The following RXYLT1 variants were observed in gnomAD, a reference collection of about 807,000 sequenced individuals.
The protein encoded by RXYLT1 is ribitol xylosyltransferase 1.
In RXYLT1, 41 loss-of-function variants were observed where a neutral mutation model predicts 43.5. The ratio of observed to expected loss-of-function variants is 0.94; its 90% confidence interval spans 0.73 to 1.22. The LOEUF (loss-of-function observed/expected upper bound fraction) is 1.22. Ranked by LOEUF, RXYLT1 falls within the 50% of genes most tolerant of loss-of-function variation. The probability of loss-of-function intolerance (pLI) is 0.00; values close to 1 mark genes in which losing one functional copy is unlikely to be tolerated. For missense variants in RXYLT1, 514 were observed against 532.0 expected (o/e 0.97, Z 0.33); for synonymous variants, 166 against 194.4 (o/e 0.85, Z 1.21).
rs1397989587 is a variant in RXYLT1, at chr12:63,808,759, A to C, written c.999A>C (p.Gly333=). 12 of 1,613,000 alleles carry C rather than the reference A, an allele frequency of 7.4e-6. No individual in the cohort carries two copies. Among genetic ancestry groups the C allele is most frequent in the Non-Finnish European group, 1.0e-5 (12 of 1,179,872 alleles). ...GTGATCTCACATTGTGCCCGGTCGG[A>C]GTAAACACAGAATGCTATCGAATCT... is the stretch of plus-strand genomic sequence containing the variant. ...LQSDLTLCPV[G]VNTECYRIYE... is the part of the protein sequence containing the mutation. The change falls in exon 6 of 6, where the codon GGA becomes GGC. Residue 333 remains glycine (G), a synonymous_variant. Coordinates refer to ENST00000261234, the MANE Select transcript of RXYLT1 (RefSeq NM_014254.3).
At chr12:63,793,826 T>C (rs1897970400) in intron 3 of RXYLT1, among the ~76,000 whole-genome samples, 1 of 152,244 alleles carries the variant, frequency 6.6e-6, no homozygotes, top group Non-Finnish European at 1.5e-5. Context: ...TGGATCATAG[T>C]CTGAATGAAC....
intron 2 of RXYLT1, among the ~76,000 whole-genome samples, chr12:63,782,975 AC>A (rs1897717691): frequency 6.6e-6 from 1 of 152,136 alleles, no homozygotes; most frequent in Non-Finnish European, 1.5e-5. Context: ...TCACCAAGAA[AC>A]CAGTCCACAC....
intron 3 of RXYLT1, among the ~76,000 whole-genome samples, chr12:63,798,439 TC>T (rs1898081763): frequency 1.3e-5 from 2 of 152,248 alleles, no homozygotes; most frequent in Non-Finnish European, 2.9e-5. Context: ...TAACAAACTT[TC>T]CAACACACAT....
intron 3 of RXYLT1, chr12:63,795,703 ATTAAATAT>A (rs1898016752): frequency 6.6e-6 from 1 of 152,140 alleles, no homozygotes; most frequent in African/African-American, 2.4e-5. Context: ...TGAACCCAAT[ATTAAATAT>A]AATACCAGAC....
Position 63,809,473 on chromosome 12 carries a change from G to T in RXYLT1, c.*381G>T. ...ATGACAATAAATGACTATGTTACTG[G>T]TTTATGTATTTACTATACTATACTT... On this transcript the variant is annotated 3_prime_UTR_variant, in exon 6 of 6. Transcript: ENST00000261234. 1 of 171,140 alleles carries T rather than the reference G, an allele frequency of 5.8e-6. No homozygotes were observed. Among genetic ancestry groups the T allele is most frequent in the Non-Finnish European group, 1.2e-5 (1 of 81,196 alleles). The allele number at this position is 171,140 out of a possible 1,614,324, so 10.6% of individuals were successfully genotyped here.
chr12:63,780,177 G>A, intron 1 of RXYLT1, 48 bp downstream of exon 1: 2 of 1,406,802 alleles, frequency 1.4e-6, no homozygotes, highest in African/African-American at 3.1e-5. Flanking sequence ...TCCTGGCTGG[G>A]GCTGCTGGGC....
At position 63,780,115 on chromosome 12, in the gene RXYLT1, A is replaced by G; in HGVS notation, c.155A>G (p.Glu52Gly). ...GLRKGAAPARERRGREQSTLE... is the reference protein window; with the variant it reads ...GLRKGAAPARGRRGREQSTLE... ...AGGAAGGGGGCGGCCCCCGCGCGGG[A>G]GAGACGCGGCCGAGGTAGGACTGGG... Residue 52 changes from glutamate (E) to glycine (G), a missense_variant, in exon 1 of 6, where the codon GAG (glutamate) becomes GGG (glycine). By Grantham distance (98) the Glu-to-Gly change is moderately conservative. Transcript: ENST00000261234. 1 of 1,527,572 alleles carries G rather than the reference A, an allele frequency of 6.5e-7. No homozygotes were observed. Among genetic ancestry groups the G allele is most frequent in the Non-Finnish European group, 8.7e-7 (1 of 1,143,648 alleles). The allele number at this position is 1,527,572 out of a possible 1,614,324, so 94.6% of individuals were successfully genotyped here. A position where few individuals can be genotyped will look rare whatever the true frequency, so the allele number is the denominator to read the frequency against.
intron 3 of RXYLT1, among the ~76,000 whole-genome samples, chr12:63,789,745 A>C (rs1897882832): frequency 6.6e-6 from 1 of 152,194 alleles, no homozygotes; most frequent in African/African-American, 2.4e-5. Flanking sequence ...AGCTTATTAA[A>C]GTGTTAGGTT....
chr12:63,780,191 T>G lies in RXYLT1; in HGVS notation c.169+62T>G, dbSNP rs971089364. 14 of 1,397,778 alleles carry G rather than the reference T, an allele frequency of 1.0e-5. 1 individual carries two copies. In the South Asian group the frequency reaches 1.9e-4, roughly 19 times the overall value. The allele number at this position is 1,397,778 out of a possible 1,614,324, so 86.6% of individuals were successfully genotyped here. A position where few individuals can be genotyped will look rare whatever the true frequency, so the allele number is the denominator to read the frequency against. On this transcript the variant is annotated intron_variant, in intron 1 of 5. Coordinates refer to ENST00000261234, the MANE Select transcript of RXYLT1 (RefSeq NM_014254.3). Reference sequence around the variant, plus strand: ...CTCCTGGCTGGGGCTGCTGGGCGGCTGGGGCCGGGTCCCCGCACCCGGCTC... The same window carrying G: ...CTCCTGGCTGGGGCTGCTGGGCGGCGGGGGCCGGGTCCCCGCACCCGGCTC...
rs761154096 is a variant in RXYLT1 at position 63,809,101 on chromosome 12, T to C, written c.*9T>C. On this transcript the variant is annotated 3_prime_UTR_variant, in exon 6 of 6. Transcript: ENST00000261234. ...TGAATAATAAAAGTTAATTATCTTT[T>C]TGAGCTAACATGTGATTTTTAAAAT... 9 of 1,480,068 alleles carry C rather than the reference T, an allele frequency of 6.1e-6. No homozygotes were observed. Among genetic ancestry groups the C allele is most frequent in the Non-Finnish European group, 7.3e-6 (8 of 1,098,178 alleles). The allele number at this position is 1,480,068 out of a possible 1,614,324, so 91.7% of individuals were successfully genotyped here.
chr12:63,795,004 T>C lies in RXYLT1; in HGVS notation c.429-7087T>C, dbSNP rs529854788. Among the ~76,000 whole-genome samples, 15 of 149,786 alleles carry C rather than the reference T, an allele frequency of 1.0e-4. 1 individual carries two copies. The South Asian group carries it at 1.5e-3, about 15-fold the overall frequency. ...AGACTAATAATTTATTTTTAAAATA[T>C]CAAAATATAGGCTGGGCATGGTAGC... On this transcript the variant is annotated intron_variant, in intron 3 of 5. Transcript: ENST00000261234.
rs370288545 is a variant in RXYLT1, at chr12:63,802,326, G to C, written c.664G>C (p.Val222Leu). 4.3e-6 allele frequency: 7 copies of C among 1,612,770 alleles called. No individual in the cohort carries two copies. The African/African-American group carries it at 6.7e-5, about 15-fold the overall frequency. ...NPFLKRNGGF[V>L]ELLFIIYDSP... ...ATTCCTCAAAAGAAATGGAGGCTTCGTGGAGCTGCTTTTCATAATATATGA... is the reference window on the plus strand; with the variant it reads ...ATTCCTCAAAAGAAATGGAGGCTTCCTGGAGCTGCTTTTCATAATATATGA... The change falls in exon 4 of 6, where the codon GTG (valine) becomes CTG (leucine). Residue 222 changes from valine (V) to leucine (L), a missense_variant. Physicochemically the swap from Val to Leu is conservative, Grantham distance 32. Coordinates refer to ENST00000261234, the MANE Select transcript of RXYLT1 (RefSeq NM_014254.3).
Position 63,802,326 on chromosome 12 carries a change from G to A in RXYLT1, c.664G>A (p.Val222Met), listed in dbSNP as rs370288545. 25 of 1,612,888 alleles carry A rather than the reference G, an allele frequency of 1.6e-5. No individual in the cohort carries two copies. The highest frequency in any genetic ancestry group is 1.7e-4 in the Middle Eastern group (1 of 6,058). ...ATTCCTCAAAAGAAATGGAGGCTTC[G>A]TGGAGCTGCTTTTCATAATATATGA... ...NPFLKRNGGF[V>M]ELLFIIYDSP... Residue 222 changes from valine to methionine, a missense_variant, in exon 4 of 6, where the codon GTG (valine) becomes ATG (methionine). Physicochemically the swap from Val to Met is conservative, Grantham distance 21. Transcript: ENST00000261234.
intron 3 of RXYLT1, among the ~76,000 whole-genome samples, chr12:63,794,190 T>C (rs1371986219): frequency 6.6e-6 from 1 of 152,202 alleles, no homozygotes; most frequent in African/African-American, 2.4e-5. Context: ...AGGTAGTCTA[T>C]TCACAGTTGG....
intron 3 of RXYLT1, among the ~76,000 whole-genome samples, chr12:63,788,305 C>T (rs1897850222): frequency 6.6e-6 from 1 of 152,078 alleles, no homozygotes; most frequent in African/African-American, 2.4e-5. Context: ...ACATTTAGTC[C>T]CTGATAAGAG....
At chr12:63,807,794 C>G (rs945041058) in intron 5 of RXYLT1, 1 of 152,342 alleles carries the variant, frequency 6.6e-6, no homozygotes, top group Admixed American at 6.6e-5. Context: ...AACTCCTGAC[C>G]TCAGGTGATC....
Position 63,805,389 on chromosome 12 carries a change from T to A in RXYLT1, c.899T>A (p.Val300Asp), listed in dbSNP as rs775183515. ...GATGGGAACGATAAGCTTTGTTGGG[T>A]TTCAGCAAGAGAACAGTAAGTTCTA... ...KKDGNDKLCW[V>D]SAREHWQPQE... Residue 300 changes from valine to aspartate, a missense_variant, in exon 5 of 6, where the codon GTT (valine) becomes GAT (aspartate). Physicochemically the swap from Val to Asp is radical, Grantham distance 152 (BLOSUM62 -3). Coordinates refer to ENST00000261234, the MANE Select transcript of RXYLT1 (RefSeq NM_014254.3). 9 of 1,603,302 alleles carry A rather than the reference T, an allele frequency of 5.6e-6. No individual in the cohort carries two copies. Among genetic ancestry groups the A allele is most frequent in the Non-Finnish European group, 6.0e-6 (7 of 1,176,446 alleles).
intron 3 of RXYLT1, among the ~76,000 whole-genome samples, chr12:63,790,829 A>C (rs1897905372): frequency 6.6e-6 from 1 of 152,140 alleles, no homozygotes; most frequent in Non-Finnish European, 1.5e-5. Flanking sequence ...TCTCTGTTTC[A>C]GTTTCCTCAC....
chr12:63,807,313 TC>T, intron 5 of RXYLT1: 1 of 152,402 alleles, frequency 6.6e-6, no homozygotes, highest in African/African-American at 2.4e-5. Context: ...AATCCAGCTC[TC>T]TGCCTACTCC....
Sources: gnomAD v4.1 joint callset for allele counts (sites outside exome capture counted in the v4.1 genomes callset) on GRCh38, gnomAD v4.1.1 for gene constraint, MANE v1.5 for transcripts, NCBI Gene and HGNC (gene_info 2026-07-23, HGNC 2026-07-21) for gene names.